Variants in RUVBL2 observed in about 807,000 individuals in gnomAD.
RUVBL2 encodes the protein ruvB-like 2.
In RUVBL2, 9 loss-of-function variants were observed where a neutral mutation model predicts 57.9. The observed-to-expected ratio is 0.16, with a 90% CI of 0.09 to 0.27. The LOEUF (loss-of-function observed/expected upper bound fraction) is 0.27, where lower values mean the gene tolerates loss of function less well. Ranked by LOEUF, RUVBL2 falls within the 10% of genes least tolerant of loss-of-function variation. RUVBL2 has a pLI of 1.00. For missense variants in RUVBL2, 456 were observed against 669.6 expected (o/e 0.68, Z 3.52); for synonymous variants, 278 against 264.6 (o/e 1.05, Z -0.49).
At chr19:49,014,933 G>C in intron 12 of RUVBL2, 88 bp from the exon 13 acceptor site, 2 of 1,491,534 alleles carry the variant, frequency 1.3e-6, no homozygotes, top group Non-Finnish European at 1.8e-6. Flanking sequence ...TTCCCAGTGG[G>C]GAAGGGCCAG....
chr19:49,012,690 G>A (rs986136109), intron 11 of RUVBL2, among the ~76,000 whole-genome samples: 2 of 152,264 alleles, frequency 1.3e-5, no homozygotes, highest in African/African-American at 4.8e-5. Context: ...AACACTGCCT[G>A]CTCCCTTAGC....
rs116116303 is a variant in RUVBL2 at position 48,999,494 on chromosome 19, A to C, written c.67+121A>C. On this transcript the variant is annotated intron_variant, in intron 2 of 14. Coordinates refer to ENST00000595090, the MANE Select transcript of RUVBL2 (RefSeq NM_006666.3). The stretch of plus-strand genomic sequence containing the variant: ...TGGCCTGCACACCAACTGTGCCCCC[A>C]CTACCATTCCCCCACTCGCCCTATC... 2.3e-3 allele frequency: 2,245 copies of C among 983,874 alleles called. 31 individuals are homozygous for C. In the African/African-American group the frequency reaches 0.032, roughly 14 times the overall value. 60.9% of individuals were successfully genotyped at this position (983,874 alleles called of 1,614,324 possible).
chr19:49,015,779 G>A, intron 14 of RUVBL2, 38 bp from the exon 15 acceptor site: 5 of 1,613,960 alleles, frequency 3.1e-6, no homozygotes, highest in Non-Finnish European at 4.2e-6. Context: ...CCTGCCACCT[G>A]GGCGACACTG....
chr19:49,008,008 CTTTTTTT>C (rs915809242), intron 6 of RUVBL2, among the ~76,000 whole-genome samples: 1 of 90,386 alleles, frequency 1.1e-5, no homozygotes. Context: ...TACCTGGCCT[CTTTTTTT>C]TTTTTTTTTT....
intron 1 of RUVBL2, among the ~76,000 whole-genome samples, chr19:48,998,792 C>A (rs1445690286): frequency 6.6e-6 from 1 of 151,942 alleles, no homozygotes; most frequent in Non-Finnish European, 1.5e-5. Context: ...CTCTGGGAGG[C>A]CAAGGCTGGT....
rs151167569 is a variant in RUVBL2 at position 48,995,795 on chromosome 19, C to T, written c.12+1872C>T. The stretch of plus-strand genomic sequence containing the variant: ...GGTCAGGAGTTTGAGAGCAGCCTGG[C>T]TAATATGGTGAAACCCCGTCTTTAT... On this transcript the variant is annotated intron_variant, in intron 1 of 14. Coordinates refer to ENST00000595090, the MANE Select transcript of RUVBL2 (RefSeq NM_006666.3). 6.5e-3 allele frequency among the ~76,000 whole-genome samples: 986 copies of T among 151,902 alleles called. 9 individuals carry two copies. Among genetic ancestry groups the T allele is most frequent in the African/African-American group, 0.021 (871 of 41,436 alleles).
chr19:49,008,317 G>A (rs554531575), intron 6 of RUVBL2, among the ~76,000 whole-genome samples: 1 of 148,664 alleles, frequency 6.7e-6, no homozygotes, highest in South Asian at 2.1e-4. Context: ...CTCAGCTCAC[G>A]GCAAGCTCTG....
intron 8 of RUVBL2, 188 bp from the exon 9 acceptor site, chr19:49,010,300 C>T: frequency 1.4e-6 from 1 of 694,518 alleles, no homozygotes; most frequent in Non-Finnish European, 2.4e-6. Flanking sequence ...GCCCCCGTGA[C>T]CCTCAGCGCT....
chr19:49,012,408 G>A (rs972410035), intron 11 of RUVBL2, among the ~76,000 whole-genome samples: 3 of 152,186 alleles, frequency 2.0e-5, no homozygotes, highest in Non-Finnish European at 2.9e-5. Flanking sequence ...TAGCAGGGCC[G>A]TAATTTGGTC....
rs764823814 is a variant in RUVBL2 at position 49,009,977 on chromosome 19, G to A, written c.574G>A (p.Val192Met). ...LTKDKVQAGD[V>M]ITIDKATGKI... is the part of the protein sequence containing the mutation. ...CTACCCCCCATCCCCCTGTAGGGACGTGATCACCATCGACAAGGCGACGGG... is the reference window on the plus strand; with the variant it reads ...CTACCCCCCATCCCCCTGTAGGGACATGATCACCATCGACAAGGCGACGGG... Residue 192 changes from valine to methionine, a missense_variant, in exon 8 of 15, where the codon GTG becomes ATG. Transcript: ENST00000595090. 2.5e-6 allele frequency: 4 copies of A among 1,598,934 alleles called. No homozygotes were observed. Among genetic ancestry groups the A allele is most frequent in the Non-Finnish European group, 3.4e-6 (4 of 1,170,564 alleles).
chr19:49,002,873 C>T (rs1052539485), intron 2 of RUVBL2, among the ~76,000 whole-genome samples: 52 of 152,082 alleles, frequency 3.4e-4, no homozygotes, highest in Non-Finnish European at 6.6e-4. Flanking sequence ...GCAGGAGCCA[C>T]TGCGCCCGGC....
At chr19:48,996,502 C>CTA (rs769118447) in intron 1 of RUVBL2, among the ~76,000 whole-genome samples, 2 of 138,148 alleles carry the variant, frequency 1.4e-5, no homozygotes, top group Non-Finnish European at 3.1e-5. Context: ...ATTTTTGTAT[C>CTA]TGTGTGTGTG....
At chr19:48,994,476 T>C (rs1315749479) in intron 1 of RUVBL2, 1 of 155,406 alleles carries the variant, frequency 6.4e-6, no homozygotes, top group Non-Finnish European at 1.4e-5. Context: ...CTTGTCATGC[T>C]ACCGTTTTGG....
rs1303867353 is a variant in RUVBL2 at position 49,008,621 on chromosome 19, G to A, written c.463-1155G>A. 5.3e-5 allele frequency among the ~76,000 whole-genome samples: 8 copies of A among 151,904 alleles called. No individual in the cohort carries two copies. The South Asian group carries it at 6.2e-4, about 12-fold the overall frequency. ...AGCACTTTGGGAGGCTGAGGTGGGC[G>A]ATCACTTGAGATCAGGAGTTCGAAA... On this transcript the variant is annotated intron_variant, in intron 6 of 14. Transcript: ENST00000595090.
Position 48,999,378 on chromosome 19 carries a change from G to A in RUVBL2, c.67+5G>A. Reference sequence around the variant, plus strand: ...TAACAAGGATTGAGCGAATCGGTGAGTGAGTTGGGTCAGGAATAGGACCTA... The same window carrying A: ...TAACAAGGATTGAGCGAATCGGTGAATGAGTTGGGTCAGGAATAGGACCTA... On this transcript the variant is annotated splice_donor_5th_base_variant and intron_variant, in intron 2 of 14. Coordinates refer to ENST00000595090, the MANE Select transcript of RUVBL2 (RefSeq NM_006666.3). 1 of 1,614,212 alleles carries A rather than the reference G, an allele frequency of 6.2e-7. No homozygotes were observed. Among genetic ancestry groups the A allele is most frequent in the Non-Finnish European group, 8.5e-7 (1 of 1,180,018 alleles).
chr19:49,009,798 C>T lies in RUVBL2; in HGVS notation c.485C>T (p.Thr162Ile). ...TGTGSKVGKLTLKTTEMETIY... is the reference protein window; with the variant it reads ...TGTGSKVGKLILKTTEMETIY... ...CAGGGCTCCAAGGTGGGCAAACTGA[C>T]CCTCAAGACCACAGAGATGGAGACC... Residue 162 changes from threonine (T) to isoleucine (I), a missense_variant, in exon 7 of 15, where the codon ACC becomes ATC. Physicochemically the swap from Thr to Ile is moderately conservative, Grantham distance 89 (BLOSUM62 -1). Transcript: ENST00000595090. 1 of 1,614,016 alleles carries T rather than the reference C, an allele frequency of 6.2e-7. No homozygotes were observed. The highest frequency in any genetic ancestry group is 8.5e-7 in the Non-Finnish European group (1 of 1,179,980).
At chr19:49,007,492 T>C (rs981193903) in intron 6 of RUVBL2, 124 bp downstream of exon 6, 3 of 782,188 alleles carry the variant, frequency 3.8e-6, no homozygotes. Flanking sequence ...ACTAGAGCCA[T>C]GTACATGCCT....
chr19:48,998,624 G>A (rs960738834), intron 1 of RUVBL2, among the ~76,000 whole-genome samples: 3 of 150,994 alleles, frequency 2.0e-5, no homozygotes, highest in East Asian at 2.0e-4. Context: ...CGGGAGAATC[G>A]GTTAAACCCA....
intron 4 of RUVBL2, among the ~76,000 whole-genome samples, chr19:49,006,059 C>T (rs1192977279): frequency 2.6e-5 from 4 of 152,226 alleles, no homozygotes; most frequent in Admixed American, 1.3e-4. Context: ...CTCGCCCTGG[C>T]GGGGACGCTT....
Sources: gnomAD v4.1 joint callset for allele counts (sites outside exome capture counted in the v4.1 genomes callset) on GRCh38, gnomAD v4.1.1 for gene constraint, MANE v1.5 for transcripts, NCBI Gene and HGNC (gene_info 2026-07-23, HGNC 2026-07-21) for gene names.